CSTPP1: variants seen among roughly 807,000 people sequenced by gnomAD.
CSTPP1 encodes the protein centriolar satellite-associated tubulin polyglutamylase complex regulator 1.
chr11:47,080,424 C>G, the CSTPP1 span, among the ~76,000 whole-genome samples: 1 of 152,196 alleles, frequency 6.6e-6, no homozygotes, highest in African/African-American at 2.4e-5. Context: ...CACTGCACTC[C>G]AGCCTGGGTG....
the CSTPP1 span, among the ~76,000 whole-genome samples, chr11:47,075,234 T>C: frequency 6.6e-6 from 1 of 151,870 alleles, no homozygotes. Context: ...TAGCCAGGTG[T>C]GATGGCAGAT....
chr11:46,972,598 A>G, the CSTPP1 span, among the ~76,000 whole-genome samples: 1 of 152,152 alleles, frequency 6.6e-6, no homozygotes, highest in African/African-American at 2.4e-5. Flanking sequence ...AAGCTGTCCA[A>G]AGAGAAATGG....
chr11:47,008,242 G>A, the CSTPP1 span, among the ~76,000 whole-genome samples: 1 of 152,196 alleles, frequency 6.6e-6, no homozygotes, highest in African/African-American at 2.4e-5. Context: ...TGGGATTACA[G>A]GTGTGAGCCA....
At chr11:46,946,452 A>G in the CSTPP1 span, among the ~76,000 whole-genome samples, 2 of 152,200 alleles carry the variant, frequency 1.3e-5, no homozygotes, top group Admixed American at 6.6e-5. Context: ...AGGTCAGGAG[A>G]TCGAGACCAT....
At chr11:47,105,997 G>C in the CSTPP1 span, among the ~76,000 whole-genome samples, 1 of 152,146 alleles carries the variant, frequency 6.6e-6, no homozygotes, top group African/African-American at 2.4e-5. Context: ...ATAAATTTGG[G>C]GTCAGAGGGA....
At chr11:47,041,222 G>A in the CSTPP1 span, 1 of 224,868 alleles carries the variant, frequency 4.4e-6, no homozygotes, top group African/African-American at 2.2e-5. Flanking sequence ...CAGGGTTGGG[G>A]AAGAGAAGCT....
the CSTPP1 span, chr11:47,023,381 T>G: frequency 6.4e-6 from 1 of 155,074 alleles, no homozygotes; most frequent in African/African-American, 2.4e-5. Context: ...CAGTGGTACC[T>G]CAGGTTCTAC....
the CSTPP1 span, among the ~76,000 whole-genome samples, chr11:47,002,628 C>A: frequency 6.6e-6 from 1 of 151,780 alleles, no homozygotes; most frequent in Non-Finnish European, 1.5e-5. Flanking sequence ...TTGTTCCCCC[C>A]ACCCCACCCC....
chr11:46,998,662 G>A, the CSTPP1 span, among the ~76,000 whole-genome samples: 5 of 152,176 alleles, frequency 3.3e-5, no homozygotes, highest in African/African-American at 1.2e-4. Flanking sequence ...GATGATGGAA[G>A]CTCCTGAGTT....
At chr11:46,964,420 G>T in the CSTPP1 span, among the ~76,000 whole-genome samples, 1 of 152,058 alleles carries the variant, frequency 6.6e-6, no homozygotes, top group African/African-American at 2.4e-5. Flanking sequence ...CGAGTAGCTG[G>T]GACTATAGGC....
At chr11:47,000,393 C>T in the CSTPP1 span, among the ~76,000 whole-genome samples, 11 of 152,288 alleles carry the variant, frequency 7.2e-5, no homozygotes, top group Non-Finnish European at 1.2e-4. Flanking sequence ...AGTTCCAACA[C>T]TATGGCATCA....
At chr11:47,121,802 T>C in the CSTPP1 span, among the ~76,000 whole-genome samples, 1 of 151,798 alleles carries the variant, frequency 6.6e-6, no homozygotes, top group South Asian at 2.1e-4. Context: ...ATTAGAAAAA[T>C]GGCCCAGCAC....
At chr11:47,045,812 A>G in the CSTPP1 span, among the ~76,000 whole-genome samples, 2 of 151,570 alleles carry the variant, frequency 1.3e-5, no homozygotes, top group Non-Finnish European at 2.9e-5. Flanking sequence ...TTTGAGATGG[A>G]GTCTCACTCT....
At chr11:47,072,219 A>G in the CSTPP1 span, among the ~76,000 whole-genome samples, 1 of 152,198 alleles carries the variant, frequency 6.6e-6, no homozygotes, top group African/African-American at 2.4e-5. Context: ...TGGCTGTGGC[A>G]GCCAAGGATT....
chr11:47,058,458 C>T, the CSTPP1 span, among the ~76,000 whole-genome samples: 13 of 152,146 alleles, frequency 8.5e-5, no homozygotes, highest in Admixed American at 2.6e-4. Context: ...AATTAACTAA[C>T]AAGGACCTTA....
the CSTPP1 span, among the ~76,000 whole-genome samples, chr11:47,022,205 G>A: frequency 1.3e-5 from 2 of 151,034 alleles, no homozygotes; most frequent in African/African-American, 4.9e-5. Flanking sequence ...TTTATGTTTT[G>A]TAAATAATAT....
At chr11:47,074,167 G>T in the CSTPP1 span, among the ~76,000 whole-genome samples, 1 of 152,218 alleles carries the variant, frequency 6.6e-6, no homozygotes, top group Non-Finnish European at 1.5e-5. Flanking sequence ...TTGCGCCACT[G>T]CACTCCAGCC....
At chr11:47,137,368 CTT>C in the CSTPP1 span, 23 of 1,468,916 alleles carry the variant, frequency 1.6e-5, no homozygotes, top group Non-Finnish European at 1.5e-5. Context: ...AGGTGCCTCT[CTT>C]GTTTGCTCTC....
the CSTPP1 span, among the ~76,000 whole-genome samples, chr11:46,999,042 A>C: frequency 6.6e-6 from 1 of 152,016 alleles, no homozygotes; most frequent in Non-Finnish European, 1.5e-5. Context: ...GCCTGGCCTC[A>C]GGCTTCAGTT....
Sources: gnomAD v4.1 joint callset for allele counts (sites outside exome capture counted in the v4.1 genomes callset) on GRCh38, gnomAD v4.1.1 for gene constraint, MANE v1.5 for transcripts, NCBI Gene and HGNC (gene_info 2026-07-23, HGNC 2026-07-21) for gene names.